Variants in NPAS3 observed in about 807,000 individuals in gnomAD.
The protein encoded by NPAS3 is neuronal PAS domain protein 3.
A neutral mutation model predicts 73.1 loss-of-function variants in NPAS3; 14 were observed. The observed-to-expected ratio is 0.19, with a 90% CI of 0.13 to 0.30. NPAS3 has a LOEUF of 0.30. Ranked by LOEUF, NPAS3 falls within the 10% of genes least tolerant of loss-of-function variation. NPAS3 has a pLI of 1.00. For missense variants in NPAS3, 1,096 were observed against 1,250.0 expected, an observed-to-expected ratio of 0.88 and a Z score of 1.86; for synonymous variants, 620 against 541.5, an observed-to-expected ratio of 1.14 and a Z score of -2.01.
intron 2 of NPAS3, among the ~76,000 whole-genome samples, chr14:33,088,327 T>C (rs2042105117): frequency 6.6e-6 from 1 of 151,096 alleles, no homozygotes; most frequent in African/African-American, 2.5e-5. Context: ...GAAAATCGGG[T>C]CACTCCCACC....
chr14:33,330,372 A>C (rs751207128), intron 3 of NPAS3, among the ~76,000 whole-genome samples: 1 of 152,204 alleles, frequency 6.6e-6, no homozygotes, highest in Non-Finnish European at 1.5e-5. Flanking sequence ...AATGATCTCC[A>C]GATTCATTTT....
rs201853321 is a variant in NPAS3, at chr14:33,301,319, TA to T, written c.386-65866del. The stretch of plus-strand genomic sequence containing the variant: ...TAGGTTTTATCATTATATATATATA[TA>T]TATTTTTTTTTTTTAAATCTAGCTG... On this transcript the variant is annotated intron_variant, in intron 3 of 11. Transcript: ENST00000356141. Among the ~76,000 whole-genome samples the T allele has an allele frequency of 5.8e-4, 56 of 96,694 alleles. 2 individuals are homozygous for T. Among genetic ancestry groups the T allele is most frequent in the Admixed American group, 2.7e-3 (23 of 8,650 alleles). The allele number at this position is 96,694 out of a possible 152,430, so 63.4% of individuals were successfully genotyped here.
intron 4 of NPAS3, among the ~76,000 whole-genome samples, chr14:33,485,450 C>G (rs2051537700): frequency 6.6e-6 from 1 of 152,092 alleles, no homozygotes; most frequent in Non-Finnish European, 1.5e-5. Context: ...ACAAACATAG[C>G]CACCAGTATT....
At chr14:33,601,325 G>A (rs1038184353) in intron 5 of NPAS3, among the ~76,000 whole-genome samples, 4 of 152,166 alleles carry the variant, frequency 2.6e-5, no homozygotes, top group Non-Finnish European at 4.4e-5. Context: ...CAGTGCCCCA[G>A]GTTGGCAAAT....
chr14:33,689,180 A>C (rs1381598681), intron 6 of NPAS3, among the ~76,000 whole-genome samples: 2 of 152,232 alleles, frequency 1.3e-5, no homozygotes, highest in Non-Finnish European at 2.9e-5. Context: ...GACCTTGAGC[A>C]AGTGAATTAA....
intron 2 of NPAS3, among the ~76,000 whole-genome samples, chr14:33,178,075 TTTTG>T (rs1413772450): frequency 6.9e-5 from 9 of 130,506 alleles, no homozygotes; most frequent in African/African-American, 1.9e-4. Flanking sequence ...AGTGAATTTT[TTTTG>T]TTTTTTTTTT....
intron 5 of NPAS3, chr14:33,582,254 T>A (rs190628454): frequency 3.9e-5 from 6 of 152,292 alleles, no homozygotes; most frequent in South Asian, 4.1e-4. Context: ...TAGAAAAAAA[T>A]TTTTTAATAA....
intron 6 of NPAS3, among the ~76,000 whole-genome samples, chr14:33,725,204 G>C (rs1461170530): frequency 1.3e-5 from 2 of 152,006 alleles, no homozygotes; most frequent in Non-Finnish European, 2.9e-5. Flanking sequence ...CATAGCACAT[G>C]TATACTTATG....
chr14:33,670,582 C>T (rs2059582164), intron 5 of NPAS3, among the ~76,000 whole-genome samples: 1 of 151,118 alleles, frequency 6.6e-6, no homozygotes, highest in African/African-American at 2.4e-5. Context: ...ATATTTTATT[C>T]TCACTTTATT....
chr14:33,513,693 T>C (rs879699886), intron 4 of NPAS3, among the ~76,000 whole-genome samples: 7 of 152,042 alleles, frequency 4.6e-5, no homozygotes, highest in Admixed American at 1.3e-4. Context: ...GATTATGTTC[T>C]CATGAATGAA....
At chr14:33,615,607 C>T (rs961152889) in intron 5 of NPAS3, among the ~76,000 whole-genome samples, 2 of 152,178 alleles carry the variant, frequency 1.3e-5, no homozygotes, top group East Asian at 1.9e-4. Flanking sequence ...CCACTGTAGT[C>T]CTGACTTATC....
At chr14:32,957,292 T>A (rs2036709170) in intron 1 of NPAS3, among the ~76,000 whole-genome samples, 1 of 152,198 alleles carries the variant, frequency 6.6e-6, no homozygotes, top group South Asian at 2.1e-4. Flanking sequence ...CTTTATTAAC[T>A]TTTTAAACAT....
At chr14:33,255,437 C>A (rs192727403) in intron 3 of NPAS3, among the ~76,000 whole-genome samples, 1 of 152,106 alleles carries the variant, frequency 6.6e-6, no homozygotes, top group East Asian at 1.9e-4. Context: ...ATAATAATTA[C>A]GATATGAACC....
At position 33,585,604 on chromosome 14, in the gene NPAS3, T is replaced by C. The variant is rs995607469; in HGVS notation, c.558+25394T>C. ...AGGCTGAAAACAAAAACCCACCATG[T>C]AAGAGAAAAACAGAAACAAACCAAA... is the stretch of plus-strand genomic sequence containing the variant. On this transcript the variant is annotated intron_variant, in intron 5 of 11. Coordinates refer to ENST00000356141, the Ensembl canonical transcript of NPAS3. 9.8e-5 allele frequency among the ~76,000 whole-genome samples: 15 copies of C among 152,332 alleles called. No individual in the cohort carries two copies. The East Asian group carries it at 2.9e-3, about 29-fold the overall frequency.
intron 2 of NPAS3, among the ~76,000 whole-genome samples, chr14:33,080,270 G>T (rs2041824114): frequency 1.3e-5 from 2 of 151,992 alleles, no homozygotes; most frequent in South Asian, 4.1e-4. Context: ...ACCACGCCTG[G>T]CTAATTTTTG....
At chr14:33,141,370 A>T (rs553728027) in intron 2 of NPAS3, among the ~76,000 whole-genome samples, 1 of 152,164 alleles carries the variant, frequency 6.6e-6, no homozygotes, top group Non-Finnish European at 1.5e-5. Flanking sequence ...ATGGACTCCA[A>T]AGTGAATTGG....
At chr14:33,593,174 C>CT (rs2057128263) in intron 5 of NPAS3, among the ~76,000 whole-genome samples, 1 of 152,066 alleles carries the variant, frequency 6.6e-6, no homozygotes, top group African/African-American at 2.4e-5. Flanking sequence ...GTACTAGATA[C>CT]TTAACATATA....
intron 10 of NPAS3, among the ~76,000 whole-genome samples, chr14:33,796,835 T>C (rs1040746437): frequency 1.3e-5 from 2 of 152,222 alleles, no homozygotes; most frequent in Non-Finnish European, 2.9e-5. Context: ...CTCTCCCCAC[T>C]GCAATCAGAT....
intron 1 of NPAS3, among the ~76,000 whole-genome samples, chr14:32,949,195 A>C (rs924820057): frequency 6.6e-6 from 1 of 152,114 alleles, no homozygotes; most frequent in East Asian, 1.9e-4. Flanking sequence ...ACACTAAGCT[A>C]TCATTTTCCT....
Sources: allele counts gnomAD v4.1 joint callset (sites outside exome capture counted in the v4.1 genomes callset), GRCh38; gene constraint gnomAD v4.1.1; transcripts MANE v1.5; gene names NCBI Gene and HGNC (gene_info 2026-07-23, HGNC 2026-07-21).